Variants in SNAP47 observed in about 807,000 individuals in gnomAD.
SNAP47 encodes the protein synaptosome associated protein 47.
Under a neutral mutation model 31.4 loss-of-function variants are expected in SNAP47, and 20 were observed. The observed-to-expected ratio is 0.64, with a 90% CI of 0.45 to 0.93. The LOEUF (loss-of-function observed/expected upper bound fraction) is 0.93. Among genes scored for constraint, SNAP47 ranks in the 40% least tolerant of loss-of-function variants. The pLI, the probability that SNAP47 is intolerant of heterozygous loss-of-function variation, is 0.00. For missense variants in SNAP47, 492 were observed against 528.5 expected (o/e 0.93, Z 0.68); for synonymous variants, 194 against 213.4 (o/e 0.91, Z 0.79).
chr1:227,729,406 A>C (rs1660498144), intron 1 of SNAP47, among the ~76,000 whole-genome samples: 1 of 152,182 alleles, frequency 6.6e-6, no homozygotes, highest in Non-Finnish European at 1.5e-5. Flanking sequence ...CTGGGGACCC[A>C]AGGTGCAGCT....
rs74324226 is a variant in SNAP47, at chr1:227,760,368, A to C, written c.988+883A>C. On this transcript the variant is annotated intron_variant, in intron 3 of 4. Transcript: ENST00000617596. ...GGTTTTCCTAGCCTGGCGCCCAAACATGCTATTAGGGATCTGTGTGTTGGA... is the reference window on the plus strand; with the variant it reads ...GGTTTTCCTAGCCTGGCGCCCAAACCTGCTATTAGGGATCTGTGTGTTGGA... Among the ~76,000 whole-genome samples, 681 of 152,222 alleles carry C rather than the reference A, an allele frequency of 4.5e-3. 5 individuals carry two copies. Among genetic ancestry groups the C allele is most frequent in the African/African-American group, 0.015 (634 of 41,506 alleles).
intron 2 of SNAP47, among the ~76,000 whole-genome samples, chr1:227,756,999 G>C (rs1662740912): frequency 6.6e-6 from 1 of 152,248 alleles, no homozygotes; most frequent in African/African-American, 2.4e-5. Context: ...TGTGAGTCAG[G>C]GGAACTTTCT....
chr1:227,732,764 G>A (rs147968091), upstream of SNAP47: 349 of 1,590,084 alleles, frequency 2.2e-4, no homozygotes, highest in Non-Finnish European at 2.9e-4. Context: ...CCCCAAGGAC[G>A]AAGAAGGGAC....
At chr1:227,746,583 G>A (rs1395080938) in intron 1 of SNAP47, 1 of 152,370 alleles carries the variant, frequency 6.6e-6, no homozygotes, top group East Asian at 1.9e-4. Flanking sequence ...ACCAGGGACG[G>A]ATCAGGGTAG....
intron 2 of SNAP47, among the ~76,000 whole-genome samples, chr1:227,749,760 CT>C (rs1158520037): frequency 0.011 from 1,440 of 126,722 alleles, 20 homozygotes; most frequent in African/African-American, 0.038. Flanking sequence ...CTGTGTGTGT[CT>C]GTGTGTCGTC....
intron 2 of SNAP47, among the ~76,000 whole-genome samples, chr1:227,751,803 T>C (rs1424786201): frequency 8.2e-6 from 1 of 122,180 alleles, no homozygotes; most frequent in African/African-American, 3.1e-5. Flanking sequence ...TCGCTCTGTC[T>C]CCCAGGCTGG....
intron 1 of SNAP47, among the ~76,000 whole-genome samples, chr1:227,742,313 C>T (rs900021371): frequency 6.6e-5 from 10 of 152,178 alleles, no homozygotes; most frequent in Non-Finnish European, 1.3e-4. Flanking sequence ...CGACTCACTG[C>T]AGCCTGGACC....
rs142060394 is a variant in SNAP47, at chr1:227,780,590, G to A, written c.1177G>A (p.Ala393Thr). The A allele has an allele frequency of 1.9e-6, 3 of 1,614,106 alleles. No homozygotes were observed. In the African/African-American group the frequency reaches 4.0e-5, roughly 22 times the overall value. ...AESELERQDE[A>T]LDGVAAAVDR... is the part of the protein sequence containing the mutation. ...GAGTGAGCTGGAGAGACAAGACGAA[G>A]CCCTGGATGGCGTTGCAGCAGCTGT... The change falls in exon 5 of 5, where the codon GCC becomes ACC. Residue 393 changes from alanine to threonine, a missense_variant. Physicochemically the swap from Ala to Thr is moderately conservative, Grantham distance 58 (BLOSUM62 0). Transcript: ENST00000617596.
At chr1:227,759,719 G>A (rs1370840123) in intron 3 of SNAP47, 9 of 581,864 alleles carry the variant, frequency 1.5e-5, no homozygotes, top group South Asian at 4.2e-5. Flanking sequence ...TGATAGGTGC[G>A]TGAATTCCAA....
chr1:227,759,793 G>A (rs1250885591), intron 3 of SNAP47: 3 of 404,126 alleles, frequency 7.4e-6, no homozygotes, highest in Non-Finnish European at 1.3e-5. Context: ...AAATTTGGTC[G>A]CCAGTGTGGC....
At chr1:227,743,623 A>G (rs1661765725) in intron 1 of SNAP47, among the ~76,000 whole-genome samples, 1 of 152,202 alleles carries the variant, frequency 6.6e-6, no homozygotes, top group South Asian at 2.1e-4. Context: ...TTCACTGCTC[A>G]GTGGCAGTCA....
intron 2 of SNAP47, among the ~76,000 whole-genome samples, chr1:227,748,646 C>T (rs1280845095): frequency 1.3e-5 from 2 of 152,230 alleles, no homozygotes; most frequent in Non-Finnish European, 2.9e-5. Flanking sequence ...GGAGTGAGGT[C>T]TGTCTTGATG....
rs771375297 is a variant in SNAP47 at position 227,767,037 on chromosome 1, C to T, written c.1067C>T (p.Thr356Ile). ...DQEGTALHLQ[T>I]SLPALSEADT... ...GAGGGCACAGCACTGCACCTGCAGA[C>T]AAGCCTGCCAGCCCTTTCTGAGGCA... Residue 356 changes from threonine (T) to isoleucine (I), a missense_variant, in exon 4 of 5, where the codon ACA becomes ATA. By Grantham distance (89) the Thr-to-Ile change is moderately conservative. Transcript: ENST00000617596. The T allele has an allele frequency of 3.6e-5, 58 of 1,613,944 alleles. No individual in the cohort carries two copies. The highest frequency in any genetic ancestry group is 4.5e-5 in the Non-Finnish European group (53 of 1,180,046).
At chr1:227,740,469 G>A (rs1013842210) in intron 1 of SNAP47, among the ~76,000 whole-genome samples, 3 of 152,170 alleles carry the variant, frequency 2.0e-5, no homozygotes, top group Non-Finnish European at 4.4e-5. Flanking sequence ...GTGGAGGGAG[G>A]GAGGACTGCC....
intron 1 of SNAP47, among the ~76,000 whole-genome samples, chr1:227,742,667 G>A (rs1169084660): frequency 6.6e-6 from 1 of 152,192 alleles, no homozygotes; most frequent in East Asian, 1.9e-4. Context: ...TGGTGGTGGT[G>A]AGGCGTGGTC....
chr1:227,765,282 G>A (rs1054478533), intron 3 of SNAP47, among the ~76,000 whole-genome samples: 1 of 152,238 alleles, frequency 6.6e-6, no homozygotes, highest in African/African-American at 2.4e-5. Flanking sequence ...AGGCACTGGT[G>A]CAGCGCAGGC....
intron 2 of SNAP47, 86 bp downstream of exon 2, chr1:227,748,319 G>A (rs944910622): frequency 2.9e-6 from 4 of 1,386,128 alleles, no homozygotes; most frequent in Non-Finnish European, 3.8e-6. Flanking sequence ...CCAGGCCACT[G>A]CACCATATTT....
chr1:227,732,608 C>T (rs1660736464), upstream of SNAP47: 1 of 1,613,466 alleles, frequency 6.2e-7, no homozygotes, highest in Admixed American at 1.7e-5. Flanking sequence ...GGAGCCTCTT[C>T]TCAGCGATGA....
In SNAP47 at chr1:227,780,384, G is replaced by A. The variant is rs958303106; in HGVS notation, c.1114-143G>A. 8 of 1,206,140 alleles carry A rather than the reference G, an allele frequency of 6.6e-6. No homozygotes were observed. In the Admixed American group the frequency reaches 1.4e-4, roughly 20 times the overall value. 74.7% of individuals were successfully genotyped at this position (1,206,140 alleles called of 1,614,324 possible). ...CATGACCTGACCCTGGTGCTGGGCT[G>A]CCGGCTCCCTCCTGCTGGCTCGCAG... On this transcript the variant is annotated intron_variant, in intron 4 of 4. Transcript: ENST00000617596.
Sources: gnomAD v4.1 joint callset for allele counts (sites outside exome capture counted in the v4.1 genomes callset) on GRCh38, gnomAD v4.1.1 for gene constraint, MANE v1.5 for transcripts, NCBI Gene and HGNC (gene_info 2026-07-23, HGNC 2026-07-21) for gene names.